The following MGAM variants were observed in gnomAD, a reference collection of about 807,000 sequenced individuals.
The protein encoded by MGAM is alpha-1,4-glucosidase.
Under a neutral mutation model 358.8 loss-of-function variants are expected in MGAM, and 253 were observed. That is an observed-to-expected ratio of 0.71 (90% CI 0.64 to 0.78). The LOEUF is 0.78. Among genes scored for constraint, MGAM ranks in the 30% least tolerant of loss-of-function variants. The probability of loss-of-function intolerance (pLI) is 0.00; values close to 1 mark genes in which losing one functional copy is unlikely to be tolerated. For missense variants in MGAM, 3,080 were observed against 3,432.6 expected, an observed-to-expected ratio of 0.90 and a Z score of 2.57; for synonymous variants, 1,105 against 1,227.1, an observed-to-expected ratio of 0.90 and a Z score of 2.08.
chr7:142,048,280 G>A (rs138621230), intron 22 of MGAM, among the ~76,000 whole-genome samples: 77 of 151,498 alleles, frequency 5.1e-4, no homozygotes, highest in East Asian at 4.5e-3. Context: ...AGCCTCCCGC[G>A]TAGGACTACA....
intron 70 of MGAM, 107 bp downstream of exon 70, chr7:142,103,546 C>T (rs750752082): frequency 1.4e-5 from 16 of 1,125,958 alleles, no homozygotes; most frequent in Admixed American, 7.0e-5. Context: ...CCAGGCCCTC[C>T]GGGAATCCCT....
Position 142,104,927 on chromosome 7 carries a change from T to C in MGAM, c.8185-887T>C, listed in dbSNP as rs536451371. Among the ~76,000 whole-genome samples the C allele has an allele frequency of 1.4e-4, 22 of 152,300 alleles. No individual in the cohort carries two copies. The East Asian group carries it at 4.2e-3, about 29-fold the overall frequency. ...CATAATCCTTCCTGATGATTAAGCC[T>C]GAAACAAAAGTTTTCTTTCAGTTTT... On this transcript the variant is annotated intron_variant, in intron 70 of 70. Coordinates refer to ENST00000475668, the MANE Select transcript of MGAM (RefSeq NM_001365693.1).
intron 21 of MGAM, among the ~76,000 whole-genome samples, chr7:142,045,604 T>G (rs1322831835): frequency 9.3e-6 from 1 of 107,874 alleles, no homozygotes; most frequent in Non-Finnish European, 1.7e-5. Context: ...TATGAATATA[T>G]AATATATATT....
intron 48 of MGAM, 114 bp from the exon 49 acceptor site, chr7:142,078,694 T>C: frequency 8.5e-7 from 1 of 1,171,984 alleles, no homozygotes; most frequent in South Asian, 1.5e-5. Context: ...TGCCAAGTGA[T>C]AAGTGATAGG....
chr7:142,090,936 G>A lies in MGAM; in HGVS notation c.6811-977G>A, dbSNP rs538003025. 2.0e-4 allele frequency among the ~76,000 whole-genome samples: 29 copies of A among 146,376 alleles called. 3 individuals are homozygous for A. The South Asian group carries it at 6.1e-3, about 31-fold the overall frequency. ...TAAAACAAGCTTCTTGCTCTCAAAAGTCTACAATGTAGTTAAGAAGTTGTA... is the reference window on the plus strand; with the variant it reads ...TAAAACAAGCTTCTTGCTCTCAAAAATCTACAATGTAGTTAAGAAGTTGTA... On this transcript the variant is annotated intron_variant, in intron 57 of 70. Transcript: ENST00000475668.
At chr7:142,031,575 A>G (rs1807496302) in intron 12 of MGAM, 105 bp from the exon 13 acceptor site, 1 of 624,726 alleles carries the variant, frequency 1.6e-6, no homozygotes, top group Non-Finnish European at 2.8e-6. Context: ...GTTCCTGGGT[A>G]CCTCGGTTGC....
In MGAM at chr7:142,052,996, A is replaced by C; in HGVS notation, c.3159+12A>C. On this transcript the variant is annotated intron_variant, in intron 26 of 70. Transcript: ENST00000475668. ...TGCTGCAGTTCAAGGTAAACACAGT[A>C]CATGTATCAGGTAGTGATTAGACCC... 12 of 1,612,750 alleles carry C rather than the reference A, an allele frequency of 7.4e-6. No individual in the cohort carries two copies. Among genetic ancestry groups the C allele is most frequent in the Non-Finnish European group, 8.5e-6 (10 of 1,178,918 alleles).
intron 7 of MGAM, 48 bp downstream of exon 7, chr7:142,022,487 C>A (rs782596266): frequency 1.3e-6 from 2 of 1,566,928 alleles, no homozygotes; most frequent in Admixed American, 1.7e-5. Flanking sequence ...TAGTCTCATT[C>A]TTAAAGGTCA....
chr7:142,000,081 C>T (rs1352013897), intron 1 of MGAM, among the ~76,000 whole-genome samples: 2 of 152,168 alleles, frequency 1.3e-5, no homozygotes, highest in Non-Finnish European at 2.9e-5. Flanking sequence ...TTTACCTATG[C>T]ATATTGGTTA....
At chr7:142,044,292 AAT>A (rs1809646142) in intron 21 of MGAM, among the ~76,000 whole-genome samples, 1 of 94,546 alleles carries the variant, frequency 1.1e-5, no homozygotes, top group East Asian at 2.8e-4. Flanking sequence ...TACGACATAT[AAT>A]ATATACTATA....
chr7:142,009,351 C>G (rs1805423837), intron 3 of MGAM, among the ~76,000 whole-genome samples: 1 of 152,090 alleles, frequency 6.6e-6, no homozygotes, highest in South Asian at 2.1e-4. Flanking sequence ...GTTTGATGTG[C>G]CAAATTTACA....
At chr7:142,053,418 T>C (rs1811204913) in intron 26 of MGAM, among the ~76,000 whole-genome samples, 1 of 152,096 alleles carries the variant, frequency 6.6e-6, no homozygotes, top group East Asian at 1.9e-4. Context: ...ATCTTGCATC[T>C]TAATATGGAT....
chr7:142,029,566 G>A (rs374106832), intron 10 of MGAM, among the ~76,000 whole-genome samples: 3 of 152,152 alleles, frequency 2.0e-5, no homozygotes, highest in South Asian at 2.1e-4. Flanking sequence ...AGTGGTGTGA[G>A]ATGTGAGAGG....
chr7:141,992,378 C>T (rs1803985558), upstream of MGAM, among the ~76,000 whole-genome samples: 1 of 152,132 alleles, frequency 6.6e-6, no homozygotes. Context: ...CACAAACCTC[C>T]TATTCCTGGG....
chr7:141,988,613 C>A (rs60035741), intron 2 of MGAM, among the ~76,000 whole-genome samples: 12,994 of 152,144 alleles, frequency 0.085, 1,318 homozygotes, highest in African/African-American at 0.24. Flanking sequence ...GATCCACCTG[C>A]TTCGGCCTCC....
intron 3 of MGAM, among the ~76,000 whole-genome samples, chr7:142,014,174 A>G (rs1584917109): frequency 6.6e-6 from 1 of 152,334 alleles, no homozygotes; most frequent in East Asian, 1.9e-4. Context: ...GACAGGGACC[A>G]TAGTTTGAGA....
At chr7:142,041,688 C>T (rs752824187) in intron 21 of MGAM, among the ~76,000 whole-genome samples, 1 of 150,444 alleles carries the variant, frequency 6.6e-6, no homozygotes, top group Non-Finnish European at 1.5e-5. Flanking sequence ...TTTCTCTTTC[C>T]CAGACATACG....
At chr7:142,035,286 C>A (rs1208748349) in intron 16 of MGAM, among the ~76,000 whole-genome samples, 1 of 152,048 alleles carries the variant, frequency 6.6e-6, no homozygotes, top group Non-Finnish European at 1.5e-5. Flanking sequence ...GCAGAGTAGG[C>A]ATGGTGAGAG....
At position 142,065,464 on chromosome 7, in the gene MGAM, C is replaced by A; in HGVS notation, c.4614C>A (p.Ile1538=). The A allele has an allele frequency of 6.2e-7, 1 of 1,610,708 alleles. No individual in the cohort carries two copies. Among genetic ancestry groups the A allele is most frequent in the South Asian group, 1.1e-5 (1 of 90,810 alleles). ...TAAWDQLKKS[I]IGMMEFSLFG... ...CATGGGATCAGCTGAAGAAGTCTAT[C>A]ATTGGTGCGTGGGTCCTTCCCCAGG... is the stretch of plus-strand genomic sequence containing the variant. The change falls in exon 38 of 71, where the codon ATC becomes ATA. Residue 1538 remains isoleucine, a synonymous_variant. Transcript: ENST00000475668.
Sources: gnomAD v4.1 joint callset for allele counts (sites outside exome capture counted in the v4.1 genomes callset) on GRCh38, gnomAD v4.1.1 for gene constraint, MANE v1.5 for transcripts, NCBI Gene and HGNC (gene_info 2026-07-23, HGNC 2026-07-21) for gene names.